The following PPP1R9A variants were observed in gnomAD, a reference collection of about 807,000 sequenced individuals.
PPP1R9A encodes the protein protein phosphatase 1 regulatory subunit 9A.
Under a neutral mutation model 141.9 loss-of-function variants are expected in PPP1R9A, and 59 were observed. That is an observed-to-expected ratio of 0.42 (90% confidence interval 0.34 to 0.52). The LOEUF (loss-of-function observed/expected upper bound fraction) is 0.52. PPP1R9A is among the 20% of genes least tolerant of loss of function. PPP1R9A has a pLI of 0.10. For synonymous variants in PPP1R9A, 500 were observed against 569.7 expected, an observed-to-expected ratio of 0.88 and a Z score of 1.74; for missense variants, 1,444 against 1,611.9, an observed-to-expected ratio of 0.90 and a Z score of 1.78.
intron 2 of PPP1R9A, among the ~76,000 whole-genome samples, chr7:95,056,734 A>G (rs1811549526): frequency 6.6e-6 from 1 of 152,170 alleles, no homozygotes; most frequent in Non-Finnish European, 1.5e-5. Context: ...TCAACTCATG[A>G]AAGTTATCAC....
At position 95,268,535 on chromosome 7, in the gene PPP1R9A, T is replaced by C. The variant is rs752390988; in HGVS notation, c.2666-15T>C. ...CCAAAGGTTTCTCTCACTGATTATC[T>C]TTCAATATTCTTAGACTTGAATGAA... On this transcript the variant is annotated splice_polypyrimidine_tract_variant and intron_variant, in intron 12 of 19. Coordinates refer to ENST00000433360, the MANE Select transcript of PPP1R9A (RefSeq NM_001166160.2). 1.2e-6 allele frequency: 2 copies of C among 1,612,382 alleles called. No individual in the cohort carries two copies. Among genetic ancestry groups the C allele is most frequent in the East Asian group, 4.5e-5 (2 of 44,834 alleles).
intron 2 of PPP1R9A, among the ~76,000 whole-genome samples, chr7:94,980,740 T>C (rs997626109): frequency 6.6e-6 from 1 of 152,166 alleles, no homozygotes; most frequent in African/African-American, 2.4e-5. Flanking sequence ...AGTATGTTAC[T>C]GTGACAGTGT....
intron 2 of PPP1R9A, among the ~76,000 whole-genome samples, chr7:94,929,342 G>A (rs540756548): frequency 3.9e-5 from 6 of 152,274 alleles, no homozygotes; most frequent in Non-Finnish European, 7.4e-5. Context: ...CTGTGAGTGC[G>A]GAGAGGGGAC....
At chr7:95,133,522 T>C (rs1193582635) in intron 4 of PPP1R9A, among the ~76,000 whole-genome samples, 1 of 107,546 alleles carries the variant, frequency 9.3e-6, no homozygotes, top group Non-Finnish European at 1.8e-5. Context: ...ATTATATATA[T>C]ATATATATAT....
At chr7:95,210,079 A>G (rs1208859896) in intron 7 of PPP1R9A, among the ~76,000 whole-genome samples, 3 of 152,188 alleles carry the variant, frequency 2.0e-5, no homozygotes, top group Non-Finnish European at 4.4e-5. Context: ...CTCAGTGGGA[A>G]AAAAGATCAC....
chr7:95,250,215 TAC>T lies in PPP1R9A; in HGVS notation c.2358_2359del (p.Tyr786Ter), dbSNP rs764738334. 8 of 1,612,864 alleles carry T rather than the reference TAC, an allele frequency of 5.0e-6. No homozygotes were observed. ...QSQYQALEKK[Y>X]NKAKKLIKDF... ...CCAGTATCAGGCCTTGGAAAAGAAATACAACAAGGCAAAGAAGTTGATCAAGG... is the reference window on the plus strand; with the variant it reads ...CCAGTATCAGGCCTTGGAAAAGAAATAACAAGGCAAAGAAGTTGATCAAGG... On this transcript the variant is annotated frameshift_variant, in exon 10 of 20. Coordinates refer to ENST00000433360, the MANE Select transcript of PPP1R9A (RefSeq NM_001166160.2). LOFTEE classifies it high-confidence loss of function.
At chr7:95,027,202 G>T (rs755560701) in intron 2 of PPP1R9A, among the ~76,000 whole-genome samples, 1 of 152,152 alleles carries the variant, frequency 6.6e-6, no homozygotes, top group Non-Finnish European at 1.5e-5. Flanking sequence ...GAAACCCAGG[G>T]CCCTGGTGGC....
intron 2 of PPP1R9A, among the ~76,000 whole-genome samples, chr7:94,942,758 C>T (rs1395691461): frequency 6.6e-6 from 1 of 151,582 alleles, no homozygotes; most frequent in African/African-American, 2.4e-5. Context: ...GAGCCAAGAT[C>T]GCACCACTGC....
intron 3 of PPP1R9A, among the ~76,000 whole-genome samples, chr7:95,118,546 G>A (rs972956079): frequency 6.6e-6 from 1 of 152,108 alleles, no homozygotes; most frequent in Non-Finnish European, 1.5e-5. Flanking sequence ...TCACACTTTT[G>A]CCAAGTGACA....
At chr7:94,997,491 A>G (rs746503372) in intron 2 of PPP1R9A, among the ~76,000 whole-genome samples, 4 of 152,046 alleles carry the variant, frequency 2.6e-5, no homozygotes, top group Non-Finnish European at 4.4e-5. Context: ...GGGTCTGGTG[A>G]CACCCCTGTG....
chr7:95,141,814 T>C (rs1210323618), intron 4 of PPP1R9A, among the ~76,000 whole-genome samples: 1 of 152,198 alleles, frequency 6.6e-6, no homozygotes, highest in African/African-American at 2.4e-5. Context: ...TTTGGGCTCT[T>C]AAGAATAATG....
At chr7:95,104,163 A>G (rs1819194669) in intron 2 of PPP1R9A, among the ~76,000 whole-genome samples, 2 of 152,220 alleles carry the variant, frequency 1.3e-5, no homozygotes, top group African/African-American at 4.8e-5. Context: ...ATTTTATGTA[A>G]CTAGACTTTG....
chr7:95,108,411 T>C (rs184765139), intron 2 of PPP1R9A, among the ~76,000 whole-genome samples: 131 of 143,866 alleles, frequency 9.1e-4, no homozygotes, highest in South Asian at 2.4e-3. Flanking sequence ...CCTGGGTTCA[T>C]GCCATTCTCC....
intron 2 of PPP1R9A, among the ~76,000 whole-genome samples, chr7:95,025,917 G>A (rs1806767272): frequency 6.6e-6 from 1 of 152,098 alleles, no homozygotes; most frequent in South Asian, 2.1e-4. Flanking sequence ...TTGCTTTTCA[G>A]CTCCATCAGA....
At chr7:94,946,229 TA>T (rs1795884428) in intron 2 of PPP1R9A, among the ~76,000 whole-genome samples, 1 of 152,112 alleles carries the variant, frequency 6.6e-6, no homozygotes, top group African/African-American at 2.4e-5. Flanking sequence ...GGGGAATAGA[TA>T]AAAATGTGTG....
At chr7:94,979,459 A>G (rs1363857957) in intron 2 of PPP1R9A, among the ~76,000 whole-genome samples, 1 of 152,242 alleles carries the variant, frequency 6.6e-6, no homozygotes, top group African/African-American at 2.4e-5. Flanking sequence ...TTTACAAAAG[A>G]TAATAAGCAC....
intron 18 of PPP1R9A, among the ~76,000 whole-genome samples, chr7:95,287,798 G>T (rs971193780): frequency 6.6e-6 from 1 of 152,244 alleles, no homozygotes; most frequent in Admixed American, 6.5e-5. Context: ...CGATTCTCCT[G>T]CCTCAGCCTC....
At chr7:95,249,608 C>T (rs1292534771) in intron 9 of PPP1R9A, among the ~76,000 whole-genome samples, 1 of 152,076 alleles carries the variant, frequency 6.6e-6, no homozygotes, top group Non-Finnish European at 1.5e-5. Context: ...CTTCTAACTC[C>T]TCTCTCCTCC....
chr7:95,048,080 A>G (rs545659650), intron 2 of PPP1R9A, among the ~76,000 whole-genome samples: 1 of 152,194 alleles, frequency 6.6e-6, no homozygotes, highest in East Asian at 1.9e-4. Flanking sequence ...TACTCATCTA[A>G]TTTTATGTAA....
Sources: gnomAD v4.1 joint callset for allele counts (sites outside exome capture counted in the v4.1 genomes callset) on GRCh38, gnomAD v4.1.1 for gene constraint, MANE v1.5 for transcripts, NCBI Gene and HGNC (gene_info 2026-07-23, HGNC 2026-07-21) for gene names.